ENOSF1: variants seen among roughly 807,000 people sequenced by gnomAD.
ENOSF1 encodes enolase superfamily member 1.
A neutral mutation model predicts 68.2 loss-of-function variants in ENOSF1; 73 were observed. The ratio of observed to expected loss-of-function variants is 1.07; its 90% CI spans 0.89 to 1.30. The LOEUF is 1.30. ENOSF1 is among the 50% of genes most tolerant of loss of function. ENOSF1 has a pLI of 0.00. For missense variants in ENOSF1, 589 were observed against 554.5 expected (o/e 1.06, Z -0.62); for synonymous variants, 223 against 210.4 (o/e 1.06, Z -0.52).
chr18:667,149 T>TGATGGA (rs2074854523), downstream of ENOSF1, among the ~76,000 whole-genome samples: 1 of 68,098 alleles, frequency 1.5e-5, no homozygotes, highest in Non-Finnish European at 2.7e-5. Context: ...ATGGTGATGG[T>TGATGGA]GATGGTGATG....
intron 3 of ENOSF1, among the ~76,000 whole-genome samples, chr18:696,204 CTTTTTTT>C (rs368856668): frequency 8.4e-6 from 1 of 118,688 alleles, no homozygotes; most frequent in Non-Finnish European, 1.6e-5. Flanking sequence ...ACATCTCTCT[CTTTTTTT>C]TTTTTTTTTT....
chr18:689,063 C>T (rs984582932), intron 8 of ENOSF1, among the ~76,000 whole-genome samples: 1 of 152,154 alleles, frequency 6.6e-6, no homozygotes, highest in Non-Finnish European at 1.5e-5. Flanking sequence ...ACGCAACTTA[C>T]AGCATGTATC....
At chr18:700,427 A>G (rs2078212459) in intron 2 of ENOSF1, among the ~76,000 whole-genome samples, 1 of 152,260 alleles carries the variant, frequency 6.6e-6, no homozygotes, top group Admixed American at 6.5e-5. Context: ...TGACTGAAGC[A>G]TACCTCTGGT....
Position 673,674 on chromosome 18 carries a change from T to C in ENOSF1, c.*631A>G, listed in dbSNP as rs1312803011. 1 of 166,100 alleles carries C rather than the reference T, an allele frequency of 6.0e-6. No individual in the cohort carries two copies. Among genetic ancestry groups the C allele is most frequent in the East Asian group, 1.3e-4 (1 of 7,610 alleles). 10.3% of individuals were successfully genotyped at this position (166,100 alleles called of 1,614,324 possible). On this transcript the variant is annotated 3_prime_UTR_variant, in exon 16 of 16. Coordinates refer to ENST00000647584, the MANE Select transcript of ENOSF1 (RefSeq NM_017512.7). Reference sequence around the variant, plus strand: ...CCCTATTTTTCTCATTTTAACTGCATCTTATCCTCAAAATATAATGACCAT... The same window carrying C: ...CCCTATTTTTCTCATTTTAACTGCACCTTATCCTCAAAATATAATGACCAT...
intron 5 of ENOSF1, chr18:692,599 A>G (rs1387326381): frequency 3.1e-6 from 2 of 652,924 alleles, no homozygotes; most frequent in Non-Finnish European, 3.8e-6. Flanking sequence ...CTCCGTCTAA[A>G]AAAAAAAAAA....
chr18:696,204 C>A (rs866193315), intron 3 of ENOSF1, among the ~76,000 whole-genome samples: 1 of 118,688 alleles, frequency 8.4e-6, no homozygotes, highest in Admixed American at 9.7e-5. Context: ...ACATCTCTCT[C>A]TTTTTTTTTT....
At chr18:697,676 A>G (rs1373008536) in intron 2 of ENOSF1, among the ~76,000 whole-genome samples, 2 of 152,174 alleles carry the variant, frequency 1.3e-5, no homozygotes, top group Non-Finnish European at 2.9e-5. Flanking sequence ...GCTTGAACCC[A>G]GGAGGCAGAG....
rs1224659208 is a variant in ENOSF1, at chr18:712,531, C to A, written c.57G>T (p.Ser19=). 6.5e-7 allele frequency: 1 copy of A among 1,539,872 alleles called. No individual in the cohort carries two copies. Among genetic ancestry groups the A allele is most frequent in the Non-Finnish European group, 8.7e-7 (1 of 1,146,592 alleles). ...TGGCGTCCGCGCCGTGGCCCCCAAG[C>A]GACGTGGGGAAGCGCACGTCCCGGA... The part of the protein sequence containing the change: ...LSVRDVRFPT[S]LGGHGADAMH... Residue 19 remains serine (S), a synonymous_variant, in exon 1 of 16, where the codon TCG becomes TCT. Transcript: ENST00000647584.
chr18:682,470 T>C lies in ENOSF1; in HGVS notation c.876+776A>G, dbSNP rs149805562. Among the ~76,000 whole-genome samples, 764 of 152,284 alleles carry C rather than the reference T, an allele frequency of 5.0e-3. 4 individuals are homozygous for C. Among genetic ancestry groups the C allele is most frequent in the African/African-American group, 0.017 (703 of 41,568 alleles). On this transcript the variant is annotated intron_variant, in intron 11 of 15. Transcript: ENST00000647584. The stretch of plus-strand genomic sequence containing the variant: ...GCTCCATTATAAGCTTATGGGATTA[T>C]ATATACTGCGCCATTATATAGGCAG...
downstream of ENOSF1, among the ~76,000 whole-genome samples, chr18:666,907 G>GA (rs1414036373): frequency 6.1e-5 from 3 of 49,054 alleles, no homozygotes; most frequent in African/African-American, 4.2e-5. Context: ...TGATGGAGAT[G>GA]GTGATGGTGA....
rs929001934 is a variant in ENOSF1 at position 693,071 on chromosome 18, G to C, written c.423+811C>G. 1.0e-5 allele frequency: 13 copies of C among 1,286,766 alleles called. No individual in the cohort carries two copies. The African/African-American group carries it at 1.4e-4, about 14-fold the overall frequency. 79.7% of individuals were successfully genotyped at this position (1,286,766 alleles called of 1,614,324 possible). On this transcript the variant is annotated intron_variant, in intron 5 of 15. Coordinates refer to ENST00000647584, the MANE Select transcript of ENOSF1 (RefSeq NM_017512.7). ...TCACATGCTCAAGGTCATGCAGCTG[G>C]TGAGCAGTGAAACCCGGACTCACAG... is the stretch of plus-strand genomic sequence containing the variant.
chr18:666,451 T>C (rs1270230455), downstream of ENOSF1, among the ~76,000 whole-genome samples: 1 of 152,176 alleles, frequency 6.6e-6, no homozygotes, highest in East Asian at 1.9e-4. Context: ...CACTTTCCTG[T>C]CACTGTTGGT....
At chr18:666,384 T>G (rs910878906), downstream of ENOSF1, among the ~76,000 whole-genome samples, 1 of 152,092 alleles carries the variant, frequency 6.6e-6, no homozygotes, top group African/African-American at 2.4e-5. Flanking sequence ...AGGGTCACAC[T>G]CCACTCCCAG....
chr18:700,251 G>T (rs1342732508), intron 2 of ENOSF1, among the ~76,000 whole-genome samples: 3 of 152,148 alleles, frequency 2.0e-5, no homozygotes, highest in Non-Finnish European at 4.4e-5. Flanking sequence ...TTCTGGTTCA[G>T]ACATTCATTC....
At position 690,569 on chromosome 18, in the gene ENOSF1, A is replaced by C; in HGVS notation, c.598T>G (p.Ser200Ala). 6.2e-7 allele frequency: 1 copy of C among 1,614,144 alleles called. No individual in the cohort carries two copies. Residue 200 changes from serine to alanine, a missense_variant, in exon 8 of 16, where the codon TCA becomes GCA. Physicochemically the swap from Ser to Ala is moderately conservative, Grantham distance 99. Coordinates refer to ENST00000647584, the MANE Select transcript of ENOSF1 (RefSeq NM_017512.7). Reference sequence around the variant, plus strand: ...CCCACCTGCTTCAACGTGTCATCTGAGTACCCCAGCCAGGCGCACGATGTC... The same window carrying C: ...CCCACCTGCTTCAACGTGTCATCTGCGTACCCCAGCCAGGCGCACGATGTC... ...YTTSCAWLGY[S>A]DDTLKQLCAQ...
At chr18:711,532 G>A (rs116607280) in intron 1 of ENOSF1, among the ~76,000 whole-genome samples, 66 of 152,070 alleles carry the variant, frequency 4.3e-4, no homozygotes, top group African/African-American at 1.4e-3. Flanking sequence ...CTTTTCTAGC[G>A]CGGCCAATCT....
At chr18:665,788 G>A (rs1567988591), downstream of ENOSF1, among the ~76,000 whole-genome samples, 2 of 97,530 alleles carry the variant, frequency 2.1e-5, 1 homozygote, top group African/African-American at 1.3e-4. Context: ...TAGTCATTCC[G>A]GAGCAGGTTG....
At chr18:684,351 A>T (rs1457961849) in intron 10 of ENOSF1, among the ~76,000 whole-genome samples, 3 of 151,776 alleles carry the variant, frequency 2.0e-5, no homozygotes, top group Non-Finnish European at 4.4e-5. Flanking sequence ...AACATAGCAA[A>T]ATCCTCTCTC....
intron 7 of ENOSF1, 126 bp from the exon 8 acceptor site, chr18:690,757 C>T (rs545792801): frequency 2.0e-6 from 3 of 1,507,060 alleles, no homozygotes; most frequent in African/African-American, 2.8e-5. Context: ...TGCACACACA[C>T]ACCCAGCCAC....
Sources: allele counts gnomAD v4.1 joint callset (sites outside exome capture counted in the v4.1 genomes callset), GRCh38; gene constraint gnomAD v4.1.1; transcripts MANE v1.5; gene names NCBI Gene and HGNC (gene_info 2026-07-23, HGNC 2026-07-21).